SCO1: variants seen among roughly 807,000 people sequenced by gnomAD.
SCO1 encodes cytochrome c oxidase assembly factor SCO1.
In SCO1, 23 loss-of-function variants were observed where a neutral mutation model predicts 34.0. That is an observed-to-expected ratio of 0.68 (90% CI 0.49 to 0.96). SCO1 has a LOEUF of 0.96. SCO1 is among the 40% of genes least tolerant of loss of function. SCO1 has a pLI of 0.00. For synonymous variants in SCO1, 161 were observed against 145.5 expected, an observed-to-expected ratio of 1.11 and a Z score of -0.77; for missense variants, 404 against 381.6, an observed-to-expected ratio of 1.06 and a Z score of -0.49.
Position 10,677,700 on chromosome 17 carries a change from A to C in SCO1, c.*3419T>G, listed in dbSNP as rs562318006. ...GAATACATTCATGCCTACTGCATTG[A>C]TAGGATTCTTATACTTTTCAAATAA... On this transcript the variant is annotated 3_prime_UTR_variant, in exon 6 of 6. Transcript: ENST00000255390. 1.3e-5 allele frequency: 2 copies of C among 152,342 alleles called. No individual in the cohort carries two copies. The highest frequency in any genetic ancestry group is 2.1e-4 in the South Asian group (1 of 4,826). The allele number at this position is 152,342 out of a possible 1,614,324, so 9.4% of individuals were successfully genotyped here.
chr17:10,685,640 C>G (rs1292163083), intron 5 of SCO1, among the ~76,000 whole-genome samples: 1 of 152,152 alleles, frequency 6.6e-6, no homozygotes, highest in Non-Finnish European at 1.5e-5. Context: ...GGCAAATAAA[C>G]CTTTCATCTT....
intron 1 of SCO1, 83 bp downstream of exon 1, chr17:10,697,152 G>T: frequency 7.6e-7 from 1 of 1,314,188 alleles, no homozygotes; most frequent in Non-Finnish European, 1.0e-6. Flanking sequence ...AGTAGTGTCT[G>T]AGGTTACGAC....
chr17:10,677,780 GT>G lies in SCO1; in HGVS notation c.*3338del, dbSNP rs1377118544. On this transcript the variant is annotated 3_prime_UTR_variant, in exon 6 of 6. Coordinates refer to ENST00000255390, the MANE Select transcript of SCO1 (RefSeq NM_004589.4). The stretch of plus-strand genomic sequence containing the variant: ...TATTGAAGAGTCTAGTGAAAACACT[GT>G]AACCCACCCAGGTAAAGATTTGCAA... 2 of 152,186 alleles carry G rather than the reference GT, an allele frequency of 1.3e-5. No homozygotes were observed. Among genetic ancestry groups the G allele is most frequent in the East Asian group, 3.8e-4 (2 of 5,204 alleles). The allele number at this position is 152,186 out of a possible 1,614,324, so 9.4% of individuals were successfully genotyped here.
chr17:10,696,922 G>C (rs986595033), intron 1 of SCO1, among the ~76,000 whole-genome samples: 1 of 150,478 alleles, frequency 6.6e-6, no homozygotes, highest in East Asian at 1.9e-4. Flanking sequence ...TAAACTTTAG[G>C]TTCATACCCT....
chr17:10,686,803 T>C lies in SCO1; in HGVS notation c.695A>G (p.Glu232Gly), dbSNP rs1040572944. Residue 232 changes from glutamate to glycine, a missense_variant, in exon 5 of 6, where the codon GAA (glutamate) becomes GGA (glycine). Coordinates refer to ENST00000255390, the MANE Select transcript of SCO1 (RefSeq NM_004589.4). ...TGCTCTGGCCACTTGATCGACCTCT[T>C]CTCTCGTGCCAGTCAAGCCAACCAG... is the stretch of plus-strand genomic sequence containing the variant. Reference protein sequence around the residue: ...PKLVGLTGTREEVDQVARAYR... With the variant: ...PKLVGLTGTRGEVDQVARAYR... 4 of 1,613,906 alleles carry C rather than the reference T, an allele frequency of 2.5e-6. No homozygotes were observed. In the African/African-American group the frequency reaches 5.3e-5, roughly 22 times the overall value.
At chr17:10,682,186 C>T (rs1015367486) in intron 5 of SCO1, among the ~76,000 whole-genome samples, 2 of 152,176 alleles carry the variant, frequency 1.3e-5, no homozygotes, top group South Asian at 2.1e-4. Flanking sequence ...GGCTTGACTG[C>T]TATTTGGCAA....
intron 4 of SCO1, among the ~76,000 whole-genome samples, chr17:10,688,127 A>G (rs2074668265): frequency 6.6e-6 from 1 of 152,244 alleles, no homozygotes; most frequent in South Asian, 2.1e-4. Context: ...ACCAAACCAA[A>G]AGCACTATAT....
rs2074573565 is a variant in SCO1 at position 10,675,302 on chromosome 17, A to T, written c.*5817T>A. On this transcript the variant is annotated 3_prime_UTR_variant, in exon 6 of 6. Transcript: ENST00000255390. ...CACTTTCTCCACGCTGTCTTCTTTC[A>T]GGCCTTCTCTCGCCTGGGCAACCTG... 1 of 152,560 alleles carries T rather than the reference A, an allele frequency of 6.6e-6. No homozygotes were observed. The highest frequency in any genetic ancestry group is 6.5e-5 in the Admixed American group (1 of 15,280). The allele number at this position is 152,560 out of a possible 1,614,324, so 9.5% of individuals were successfully genotyped here.
chr17:10,693,513 G>C (rs117426227), intron 2 of SCO1, among the ~76,000 whole-genome samples: 1,883 of 152,334 alleles, frequency 0.012, 22 homozygotes, highest in Non-Finnish European at 0.017. Flanking sequence ...CAAATACACT[G>C]CAGGTACTAG....
chr17:10,694,984 A>C (rs1827526576), intron 2 of SCO1, among the ~76,000 whole-genome samples: 2 of 152,352 alleles, frequency 1.3e-5, no homozygotes, highest in South Asian at 4.1e-4. Flanking sequence ...GATTTAAGCA[A>C]TACTTTAAAG....
At chr17:10,696,039 A>G (rs2074721149) in intron 1 of SCO1, among the ~76,000 whole-genome samples, 1 of 137,614 alleles carries the variant, frequency 7.3e-6, no homozygotes, top group Non-Finnish European at 1.5e-5. Flanking sequence ...TCTCCAGGGG[A>G]AAGTTCCCTA....
At chr17:10,684,338 A>G (rs780692862) in intron 5 of SCO1, among the ~76,000 whole-genome samples, 16 of 152,242 alleles carry the variant, frequency 1.1e-4, no homozygotes, top group African/African-American at 3.6e-4. Context: ...ACAGGCAGAC[A>G]TGAATATGAT....
Position 10,678,340 on chromosome 17 carries a change from C to G in SCO1, c.*2779G>C, listed in dbSNP as rs1363148634. The G allele has an allele frequency of 2.6e-5, 4 of 152,182 alleles. No individual in the cohort carries two copies. Among genetic ancestry groups the G allele is most frequent in the South Asian group, 4.1e-4 (2 of 4,822 alleles). 9.4% of individuals were successfully genotyped at this position (152,182 alleles called of 1,614,324 possible). ...TCCCCTTGTGCATAAACAGGAACAT[C>G]TGGAAGACGTCACCTCTAAGGTCCC... On this transcript the variant is annotated 3_prime_UTR_variant, in exon 6 of 6. Coordinates refer to ENST00000255390, the MANE Select transcript of SCO1 (RefSeq NM_004589.4).
intron 5 of SCO1, 56 bp from the exon 6 acceptor site, chr17:10,681,309 T>G: frequency 6.4e-7 from 1 of 1,570,180 alleles, no homozygotes; most frequent in African/African-American, 1.3e-5. Context: ...GCTGCTTATT[T>G]TACTGAATGT....
At position 10,692,134 on chromosome 17, in the gene SCO1, G is replaced by T. The variant is rs569967266; in HGVS notation, c.563-170C>A. ...GAGGACGGGGAAGGGGATGGAGAAGGGATGGCCTTTAGGAGGAGGAGACCC... is the reference window on the plus strand; with the variant it reads ...GAGGACGGGGAAGGGGATGGAGAAGTGATGGCCTTTAGGAGGAGGAGACCC... On this transcript the variant is annotated intron_variant, in intron 3 of 5. Transcript: ENST00000255390. Among the ~76,000 whole-genome samples, 122 of 152,268 alleles carry T rather than the reference G, an allele frequency of 8.0e-4. 2 individuals carry two copies. The highest frequency in any genetic ancestry group is 2.9e-3 in the African/African-American group (119 of 41,538).
chr17:10,673,107 G>A lies in SCO1; in HGVS notation c.*8012C>T, dbSNP rs28507276. ...CAATCTCTGCCTCCCGGGTTCAAGC[G>A]ATTCTCCTGCCTCAGCCTCCTGAGT... On this transcript the variant is annotated 3_prime_UTR_variant, in exon 6 of 6. Coordinates refer to ENST00000255390, the MANE Select transcript of SCO1 (RefSeq NM_004589.4). 0.43 allele frequency: 64,671 copies of A among 151,086 alleles called. 14,017 individuals carry two copies. Among genetic ancestry groups the A allele is most frequent in the Middle Eastern group, 0.43 (127 of 292 alleles). 9.4% of individuals were successfully genotyped at this position (151,086 alleles called of 1,614,324 possible).
rs1341281274 is a variant in SCO1 at position 10,677,421 on chromosome 17, A to T, written c.*3698T>A. 1 of 152,260 alleles carries T rather than the reference A, an allele frequency of 6.6e-6. No individual in the cohort carries two copies. The highest frequency in any genetic ancestry group is 1.5e-5 in the Non-Finnish European group (1 of 68,042). 9.4% of individuals were successfully genotyped at this position (152,260 alleles called of 1,614,324 possible). On this transcript the variant is annotated 3_prime_UTR_variant, in exon 6 of 6. Coordinates refer to ENST00000255390, the MANE Select transcript of SCO1 (RefSeq NM_004589.4). ...TCTTTTAAAGGTAGCTCATATACAC[A>T]TACACAAAGATTTAAATGGTACTAA...
intron 5 of SCO1, 34 bp from the exon 6 acceptor site, chr17:10,681,287 T>C (rs1434160667): frequency 6.2e-7 from 1 of 1,611,864 alleles, no homozygotes; most frequent in Admixed American, 1.7e-5. Context: ...GTGACAAAGA[T>C]TACCAAAATA....
At chr17:10,697,039 C>T (rs938211556) in intron 1 of SCO1, among the ~76,000 whole-genome samples, 196 bp downstream of exon 1, 1 of 151,336 alleles carries the variant, frequency 6.6e-6, no homozygotes, top group Non-Finnish European at 1.5e-5. Flanking sequence ...GTCTCAAGTT[C>T]TCTGTGGAGA....
Sources: gnomAD v4.1 joint callset for allele counts (sites outside exome capture counted in the v4.1 genomes callset) on GRCh38, gnomAD v4.1.1 for gene constraint, MANE v1.5 for transcripts, NCBI Gene and HGNC (gene_info 2026-07-23, HGNC 2026-07-21) for gene names.